The following VPS13C variants were observed in gnomAD, a reference collection of about 807,000 sequenced individuals.
The protein encoded by VPS13C is intermembrane lipid transfer protein VPS13C.
Under a neutral mutation model 456.8 loss-of-function variants are expected in VPS13C, and 358 were observed. The ratio of observed to expected loss-of-function variants is 0.78; its 90% CI spans 0.72 to 0.86. The LOEUF (loss-of-function observed/expected upper bound fraction) is 0.86, where lower values mean the gene tolerates loss of function less well. Among genes scored for constraint, VPS13C ranks in the 40% least tolerant of loss-of-function variants. The pLI, the probability that VPS13C is intolerant of heterozygous loss-of-function variation, is 0.00. For missense variants in VPS13C, 4,818 were observed against 4,385.4 expected (o/e 1.10, Z -2.79); for synonymous variants, 1,578 against 1,486.7 (o/e 1.06, Z -1.41).
chr15:62,039,696 G>A (rs1425360434), intron 3 of VPS13C, among the ~76,000 whole-genome samples: 3 of 152,062 alleles, frequency 2.0e-5, no homozygotes, highest in Non-Finnish European at 4.4e-5. Flanking sequence ...TTATCCAAAA[G>A]ATAGGCAATA....
intron 67 of VPS13C, among the ~76,000 whole-genome samples, chr15:61,885,541 C>A (rs561751538): frequency 1.3e-5 from 2 of 152,202 alleles, no homozygotes; most frequent in East Asian, 3.9e-4. Flanking sequence ...GCTTCTACTT[C>A]TCGTGAAAAT....
intron 38 of VPS13C, among the ~76,000 whole-genome samples, chr15:61,952,741 C>G (rs1410885236): frequency 6.6e-6 from 1 of 152,092 alleles, no homozygotes; most frequent in African/African-American, 2.4e-5. Flanking sequence ...TTGTTAGAGA[C>G]AGGGTCTTGC....
intron 29 of VPS13C, 100 bp downstream of exon 29, chr15:61,967,268 A>G: frequency 1.0e-6 from 1 of 952,438 alleles, no homozygotes; most frequent in Middle Eastern, 3.3e-4. Context: ...AGAAACTGTG[A>G]TACACATCCA....
intron 24 of VPS13C, among the ~76,000 whole-genome samples, chr15:61,974,879 G>C (rs1034457380): frequency 2.0e-5 from 3 of 152,094 alleles, no homozygotes; most frequent in Non-Finnish European, 4.4e-5. Context: ...GCTCCATGAG[G>C]ACATCTGTTT....
In VPS13C at chr15:61,880,631, T is replaced by A; in HGVS notation, c.9980A>T (p.His3327Leu). The A allele has an allele frequency of 1.3e-6, 2 of 1,584,334 alleles. No individual in the cohort carries two copies. The highest frequency in any genetic ancestry group is 1.7e-6 in the Non-Finnish European group (2 of 1,166,640). Reference protein sequence around the residue: ...TDMSILSFFEHFHISPVKLHL... With the variant: ...TDMSILSFFELFHISPVKLHL... ...AACCTTCACAGGAGAAATATGGAAA[T>A]GTTCAAAGAAACTAAGAATTGACAT... Residue 3327 changes from histidine (H) to leucine (L), a missense_variant, in exon 73 of 85, where the codon CAT (histidine) becomes CTT (leucine). Physicochemically the swap from His to Leu is moderately conservative, Grantham distance 99. Around this residue, in one of 3 missense-constraint regions of VPS13C, gnomAD observed 4,552 missense variants for 4,130.6 expected, o/e 1.10. Coordinates refer to ENST00000644861, the MANE Select transcript of VPS13C (RefSeq NM_020821.3).
intron 13 of VPS13C, 63 bp from the exon 14 acceptor site, chr15:62,008,824 A>T: frequency 9.5e-7 from 1 of 1,048,778 alleles, no homozygotes; most frequent in Non-Finnish European, 1.3e-6. Flanking sequence ...GACTAAATTT[A>T]ATTCTATTTT....
chr15:62,050,879 A>T (rs2048595377), intron 1 of VPS13C, among the ~76,000 whole-genome samples: 1 of 151,896 alleles, frequency 6.6e-6, no homozygotes, highest in African/African-American at 2.4e-5. Flanking sequence ...ACAGTGAACC[A>T]GAAGATGAAA....
rs746102973 is a variant in VPS13C at position 61,854,213 on chromosome 15, G to A, written c.*244C>T. On this transcript the variant is annotated 3_prime_UTR_variant, in exon 85 of 85. Transcript: ENST00000644861. Reference sequence around the variant, plus strand: ...AATTTCATTCTGAGTTTGAAGTGACGTTTCTTCAAGGGTCTGACCCATTTG... The same window carrying A: ...AATTTCATTCTGAGTTTGAAGTGACATTTCTTCAAGGGTCTGACCCATTTG... 5.9e-6 allele frequency: 3 copies of A among 507,334 alleles called. No homozygotes were observed. The highest frequency in any genetic ancestry group is 1.1e-5 in the Non-Finnish European group (3 of 283,680). 31.4% of individuals were successfully genotyped at this position (507,334 alleles called of 1,614,324 possible).
chr15:61,969,426 C>G lies in VPS13C; in HGVS notation c.2784G>C (p.Gln928His). 1 of 1,559,976 alleles carries G rather than the reference C, an allele frequency of 6.4e-7. No homozygotes were observed. Residue 928 changes from glutamine to histidine, a missense_variant, in exon 28 of 85, where the codon CAG (glutamine) becomes CAC (histidine). Gln to His is a conservative substitution (Grantham distance 24, BLOSUM62 0). Coordinates refer to ENST00000644861, the MANE Select transcript of VPS13C (RefSeq NM_020821.3). ...KEVILEFTKQ[Q>H]KEEDTILVFN... is the part of the protein sequence containing the mutation. ...ATACTAGAATTGTATCTTCTTCTTT[C>G]TGCTGTTTAGTAAATTCCAAAATCA...
At chr15:61,884,500 A>G (rs908102618) in intron 67 of VPS13C, among the ~76,000 whole-genome samples, 20 of 152,132 alleles carry the variant, frequency 1.3e-4, no homozygotes, top group African/African-American at 4.6e-4. Flanking sequence ...GGGACTGGCA[A>G]ACTTTTTCTG....
At chr15:61,909,569 A>G (rs2043242703) in intron 64 of VPS13C, among the ~76,000 whole-genome samples, 2 of 152,240 alleles carry the variant, frequency 1.3e-5, no homozygotes, top group Non-Finnish European at 2.9e-5. Context: ...ATATGTTGGC[A>G]TTATATATTG....
intron 63 of VPS13C, among the ~76,000 whole-genome samples, chr15:61,911,639 T>C (rs2043304548): frequency 6.6e-6 from 1 of 152,216 alleles, no homozygotes. Flanking sequence ...AGACTATTAA[T>C]GATCTAGACT....
chr15:61,890,363 T>G lies in VPS13C; in HGVS notation c.9143A>C (p.Gln3048Pro). ...CGQFPYDANI[Q>P]IHWVSFLDGR... ...ATCCAGAAATGATACCCAGTGTATC[T>G]GGATGTTTGCATCATATGGAAACTG... Residue 3048 changes from glutamine to proline, a missense_variant, in exon 67 of 85, where the codon CAG becomes CCG. Gln to Pro is a moderately conservative substitution (Grantham distance 76). Around this residue, in one of 3 missense-constraint regions of VPS13C, gnomAD observed 4,552 missense variants for 4,130.6 expected, o/e 1.10. Transcript: ENST00000644861. 3 of 1,614,066 alleles carry G rather than the reference T, an allele frequency of 1.9e-6. No individual in the cohort carries two copies. The highest frequency in any genetic ancestry group is 2.5e-6 in the Non-Finnish European group (3 of 1,180,010).
chr15:61,977,644 A>C (rs767102777), intron 23 of VPS13C, among the ~76,000 whole-genome samples: 12 of 152,100 alleles, frequency 7.9e-5, no homozygotes, highest in Admixed American at 5.2e-4. Flanking sequence ...AAAGCAAAGC[A>C]GAGTTTTATC....
chr15:62,018,092 G>A (rs12899294), intron 9 of VPS13C, among the ~76,000 whole-genome samples: 58,961 of 145,152 alleles, frequency 0.41, 12,768 homozygotes, highest in Admixed American at 0.52. Flanking sequence ...CCGTTTGTCT[G>A]TTATTGGTGT....
Position 61,907,221 on chromosome 15 carries a change from C to T in VPS13C, c.9105+43G>A, listed in dbSNP as rs2043175777. 3.1e-6 allele frequency: 5 copies of T among 1,611,908 alleles called. No homozygotes were observed. The African/African-American group carries it at 5.3e-5, about 17-fold the overall frequency. On this transcript the variant is annotated intron_variant, in intron 66 of 84. Transcript: ENST00000644861. ...GAAGATAGCTTCTCTACTTCCTTCA[C>T]TGTCAGGTAACTCATATAGCACTCA...
chr15:61,983,886 C>T lies in VPS13C; in HGVS notation c.1848G>A (p.Pro616=), dbSNP rs370587075. The T allele has an allele frequency of 6.8e-5, 110 of 1,614,078 alleles. No individual in the cohort carries two copies. The African/African-American group carries it at 7.6e-4, about 11-fold the overall frequency. The change falls in exon 20 of 85, where the codon CCG becomes CCA. Residue 616 remains proline, a synonymous_variant. Transcript: ENST00000644861. ...SLLKIKFETN[P]EDSPADQTLI... Reference sequence around the variant, plus strand: ...GAGTCTGGTCAGCAGGACTATCCTCCGGATTGGTTTCAAATTTAATTTTAA... The same window carrying T: ...GAGTCTGGTCAGCAGGACTATCCTCTGGATTGGTTTCAAATTTAATTTTAA...
intron 66 of VPS13C, among the ~76,000 whole-genome samples, chr15:61,900,434 T>G (rs921996745): frequency 6.6e-6 from 1 of 152,188 alleles, no homozygotes; most frequent in Admixed American, 6.5e-5. Context: ...ACAAAATCAA[T>G]GTACAAAAAT....
intron 23 of VPS13C, among the ~76,000 whole-genome samples, 162 bp from the exon 24 acceptor site, chr15:61,977,361 C>T (rs2045735258): frequency 6.6e-6 from 1 of 151,964 alleles, no homozygotes; most frequent in African/African-American, 2.4e-5. Context: ...TCACTTCTTT[C>T]AGCGTATCAG....
Sources: allele counts gnomAD v4.1 joint callset (sites outside exome capture counted in the v4.1 genomes callset), GRCh38; gene constraint gnomAD v4.1.1; regional missense constraint gnomAD v4.1.1; transcripts MANE v1.5; gene names NCBI Gene and HGNC (gene_info 2026-07-23, HGNC 2026-07-21).